The following ATP6V1B2 variants were observed in gnomAD, a reference collection of about 807,000 sequenced individuals.
ATP6V1B2 encodes the protein V-type proton ATPase subunit B, brain isoform.
ATP6V1B2 carries 23 observed loss-of-function variants against 66.7 expected under a neutral mutation model. That is an observed-to-expected ratio of 0.34 (90% CI 0.25 to 0.49). The LOEUF is 0.49. ATP6V1B2 is among the 20% of genes least tolerant of loss of function. The pLI, the probability that ATP6V1B2 is intolerant of heterozygous loss-of-function variation, is 0.99. For synonymous variants in ATP6V1B2, 278 were observed against 236.7 expected (o/e 1.17, Z -1.60); for missense variants, 478 against 650.8 (o/e 0.73, Z 2.89).
intron 9 of ATP6V1B2, chr8:20,213,927 T>G (rs1486662842): frequency 6.6e-6 from 1 of 152,166 alleles, no homozygotes; most frequent in Non-Finnish European, 1.5e-5. Flanking sequence ...AAAGTGAAAT[T>G]TTAACTATAT....
In ATP6V1B2 at chr8:20,197,406, G is replaced by T; in HGVS notation, c.-1G>T. 6.5e-7 allele frequency: 1 copy of T among 1,540,976 alleles called. No individual in the cohort carries two copies. Among genetic ancestry groups the T allele is most frequent in the Non-Finnish European group, 8.7e-7 (1 of 1,145,132 alleles). On this transcript the variant is annotated 5_prime_UTR_variant, in exon 1 of 14. Transcript: ENST00000276390. Reference sequence around the variant, plus strand: ...GGGCCAGTCGGGACAGAGGAGACAAGATGGCGCTGCGGGCGATGCGGGGGA... The same window carrying T: ...GGGCCAGTCGGGACAGAGGAGACAATATGGCGCTGCGGGCGATGCGGGGGA...
At chr8:20,209,404 A>G in intron 2 of ATP6V1B2, 29 bp from the exon 3 acceptor site, 1 of 1,602,172 alleles carries the variant, frequency 6.2e-7, no homozygotes, top group Middle Eastern at 1.7e-4. Flanking sequence ...AAAATGTCGG[A>G]TATTGATCCT....
chr8:20,208,724 T>C lies in ATP6V1B2; in HGVS notation c.193-709T>C, dbSNP rs1051038418. 4.6e-5 allele frequency among the ~76,000 whole-genome samples: 7 copies of C among 151,042 alleles called. 1 individual carries two copies. The highest frequency in any genetic ancestry group is 4.6e-4 in the Admixed American group (7 of 15,192). On this transcript the variant is annotated intron_variant, in intron 2 of 13. Transcript: ENST00000276390. ...TAGTAACTTTCTTTTTTTTTTTTTT[T>C]TGAGACAGAGTCTTTTTCTATCAGC... is the stretch of plus-strand genomic sequence containing the variant.
intron 3 of ATP6V1B2, among the ~76,000 whole-genome samples, chr8:20,209,987 C>T (rs1410870763): frequency 6.6e-6 from 1 of 151,450 alleles, no homozygotes; most frequent in Non-Finnish European, 1.5e-5. Context: ...AGCTTTTAGG[C>T]TTTGTGGGGC....
At chr8:20,209,344 A>G in intron 2 of ATP6V1B2, 89 bp from the exon 3 acceptor site, 1 of 1,301,290 alleles carries the variant, frequency 7.7e-7, no homozygotes. Context: ...TTCCATATTC[A>G]GACACAACAT....
At chr8:20,202,993 G>A (rs949527383) in intron 1 of ATP6V1B2, among the ~76,000 whole-genome samples, 1 of 152,158 alleles carries the variant, frequency 6.6e-6, no homozygotes, top group Non-Finnish European at 1.5e-5. Context: ...TCTTTAAAAT[G>A]AGAACAATGA....
rs2072898304 is a variant in ATP6V1B2 at position 20,220,642 on chromosome 8, C to T, written c.*240C>T. 1.1e-5 allele frequency: 5 copies of T among 457,276 alleles called. No individual in the cohort carries two copies. The highest frequency in any genetic ancestry group is 4.5e-5 in the Admixed American group (1 of 22,200). The allele number at this position is 457,276 out of a possible 1,614,324, so 28.3% of individuals were successfully genotyped here. A position where few individuals can be genotyped will look rare whatever the true frequency, so the allele number is the denominator to read the frequency against. On this transcript the variant is annotated 3_prime_UTR_variant, in exon 14 of 14. Coordinates refer to ENST00000276390, the MANE Select transcript of ATP6V1B2 (RefSeq NM_001693.4). Reference sequence around the variant, plus strand: ...TTAAAGTGCTGCAGGGATGGAGTGGCGTTTTCTTATTGCTGTATGTATTGT... The same window carrying T: ...TTAAAGTGCTGCAGGGATGGAGTGGTGTTTTCTTATTGCTGTATGTATTGT...
At chr8:20,214,770 CT>C in intron 9 of ATP6V1B2, 47 bp from the exon 10 acceptor site, 1 of 1,522,216 alleles carries the variant, frequency 6.6e-7, no homozygotes, top group Non-Finnish European at 8.8e-7. Flanking sequence ...TGTAAGCAAG[CT>C]TGTTGTAATA....
At chr8:20,209,639 G>C (rs2072773343) in intron 3 of ATP6V1B2, 108 bp downstream of exon 3, 4 of 1,070,772 alleles carry the variant, frequency 3.7e-6, no homozygotes, top group African/African-American at 1.6e-5. Context: ...AGAGTCTTTA[G>C]AGATTGGTTA....
chr8:20,221,303 T>C lies in ATP6V1B2; in HGVS notation c.*901T>C, dbSNP rs1055563692. Reference sequence around the variant, plus strand: ...GCAGAAGCACTTATGTTTACGGATATTTTAAACTCTGTTAGAGAGCAGCCT... The same window carrying C: ...GCAGAAGCACTTATGTTTACGGATACTTTAAACTCTGTTAGAGAGCAGCCT... On this transcript the variant is annotated 3_prime_UTR_variant, in exon 14 of 14. Coordinates refer to ENST00000276390, the MANE Select transcript of ATP6V1B2 (RefSeq NM_001693.4). The C allele has an allele frequency of 6.6e-6, 1 of 152,224 alleles. No homozygotes were observed. The highest frequency in any genetic ancestry group is 1.5e-5 in the Non-Finnish European group (1 of 68,026). The allele number at this position is 152,224 out of a possible 1,614,324, so 9.4% of individuals were successfully genotyped here.
chr8:20,220,567 C>A lies in ATP6V1B2; in HGVS notation c.*165C>A. 1 of 1,003,280 alleles carries A rather than the reference C, an allele frequency of 1.0e-6. No individual in the cohort carries two copies. Among genetic ancestry groups the A allele is most frequent in the Non-Finnish European group, 1.4e-6 (1 of 735,794 alleles). The allele number at this position is 1,003,280 out of a possible 1,614,324, so 62.1% of individuals were successfully genotyped here. Reference sequence around the variant, plus strand: ...TGTGCCAGTGTTGCAACGTTTTAAACTGCTAACAGACCTTAAAATATCCCC... The same window carrying A: ...TGTGCCAGTGTTGCAACGTTTTAAAATGCTAACAGACCTTAAAATATCCCC... On this transcript the variant is annotated 3_prime_UTR_variant, in exon 14 of 14. Coordinates refer to ENST00000276390, the MANE Select transcript of ATP6V1B2 (RefSeq NM_001693.4).
intron 10 of ATP6V1B2, 116 bp from the exon 11 acceptor site, chr8:20,216,297 G>A (rs1410932603): frequency 1.3e-5 from 10 of 751,304 alleles, no homozygotes; most frequent in Non-Finnish European, 2.2e-5. Flanking sequence ...ACTCTTCTAA[G>A]TAATGTTACA....
Position 20,220,441 on chromosome 8 carries a change from T to C in ATP6V1B2, c.*39T>C. The stretch of plus-strand genomic sequence containing the variant: ...ATTGCTCCGCGCTCTTGTGAAATAC[T>C]GGTTCTGTTTTCTTTATTCCTTTTG... On this transcript the variant is annotated 3_prime_UTR_variant, in exon 14 of 14. Transcript: ENST00000276390. 1.3e-6 allele frequency: 2 copies of C among 1,507,446 alleles called. No homozygotes were observed. The highest frequency in any genetic ancestry group is 1.8e-6 in the Non-Finnish European group (2 of 1,134,186). The allele number at this position is 1,507,446 out of a possible 1,614,324, so 93.4% of individuals were successfully genotyped here. A position where few individuals can be genotyped will look rare whatever the true frequency, so the allele number is the denominator to read the frequency against.
chr8:20,206,895 A>C (rs949229059), intron 2 of ATP6V1B2, among the ~76,000 whole-genome samples: 4 of 152,178 alleles, frequency 2.6e-5, no homozygotes, highest in Non-Finnish European at 1.5e-5. Context: ...CTATGGGGAA[A>C]AGAAATTAGG....
At chr8:20,206,240 G>T (rs927375622) in intron 2 of ATP6V1B2, among the ~76,000 whole-genome samples, 2 of 152,154 alleles carry the variant, frequency 1.3e-5, no homozygotes, top group South Asian at 2.1e-4. Context: ...TAACAATTCA[G>T]TTCTTTGGGG....
intron 10 of ATP6V1B2, 60 bp from the exon 11 acceptor site, chr8:20,216,353 C>T (rs1035427456): frequency 2.7e-5 from 40 of 1,477,576 alleles, no homozygotes; most frequent in Admixed American, 1.0e-4. Context: ...GAGAGATGGC[C>T]GCTTTAAAAC....
intron 2 of ATP6V1B2, among the ~76,000 whole-genome samples, chr8:20,207,575 A>G (rs1419657648): frequency 6.6e-6 from 1 of 151,486 alleles, no homozygotes; most frequent in Non-Finnish European, 1.5e-5. Flanking sequence ...TATAATAATA[A>G]TAAAATAAAA....
chr8:20,203,277 G>A (rs754843841), intron 1 of ATP6V1B2, among the ~76,000 whole-genome samples: 1 of 152,194 alleles, frequency 6.6e-6, no homozygotes, highest in Admixed American at 6.5e-5. Context: ...GTGATGTCTG[G>A]ATTTAAACGT....
intron 12 of ATP6V1B2, among the ~76,000 whole-genome samples, chr8:20,217,805 C>T (rs1352829110): frequency 3.3e-5 from 5 of 152,008 alleles, no homozygotes; most frequent in Admixed American, 1.3e-4. Flanking sequence ...GTAAACTTAG[C>T]GATATCACAG....
Sources: allele counts gnomAD v4.1 joint callset (sites outside exome capture counted in the v4.1 genomes callset), GRCh38; gene constraint gnomAD v4.1.1; transcripts MANE v1.5; gene names NCBI Gene and HGNC (gene_info 2026-07-23, HGNC 2026-07-21).